C8orf76: variants seen among roughly 807,000 people sequenced by gnomAD.
C8orf76 encodes chromosome 8 open reading frame 76, also known as uncharacterized protein C8orf76.
C8orf76 carries 46 observed loss-of-function variants against 38.1 expected under a neutral mutation model. The ratio of observed to expected loss-of-function variants is 1.21; its 90% CI spans 0.95 to 1.54. The LOEUF (loss-of-function observed/expected upper bound fraction) is 1.54. Among genes scored for constraint, C8orf76 ranks in the 40% most tolerant of loss-of-function variants. The probability of loss-of-function intolerance (pLI) is 0.00; values close to 1 mark genes in which losing one functional copy is unlikely to be tolerated. For missense variants in C8orf76, 461 were observed against 441.6 expected (o/e 1.04, Z -0.39); for synonymous variants, 166 against 167.5 (o/e 0.99, Z 0.07).
chr8:123,224,658 A>T (rs777588073), intron 5 of C8orf76, among the ~76,000 whole-genome samples: 4 of 152,224 alleles, frequency 2.6e-5, no homozygotes, highest in African/African-American at 4.8e-5. Context: ...TCCTAATTAC[A>T]ATCCTAACGA....
intron 4 of C8orf76, among the ~76,000 whole-genome samples, chr8:123,227,532 G>A (rs936829579): frequency 1.3e-5 from 2 of 152,090 alleles, no homozygotes; most frequent in Non-Finnish European, 2.9e-5. Context: ...CAGATGCGGC[G>A]GTATAGGCAG....
At chr8:123,226,748 A>T (rs1344314159) in intron 4 of C8orf76, 116 bp from the exon 5 acceptor site, 1 of 1,430,236 alleles carries the variant, frequency 7.0e-7, no homozygotes, top group East Asian at 2.5e-5. Context: ...AAGTCCCACC[A>T]GGTTAAAAAG....
chr8:123,226,622 G>T lies in C8orf76; in HGVS notation c.826C>A (p.Gln276Lys). ...ASFIRTRLLL[Q>K]FTQPQQTSFA... ...GATGTTTGCTGAGGTTGGGTAAACT[G>T]AAGCAGAAGCCTGAAAAACCGAAAA... Residue 276 changes from glutamine to lysine, a missense_variant, in exon 5 of 6, where the codon CAG becomes AAG. Physicochemically the swap from Gln to Lys is moderately conservative, Grantham distance 53. Transcript: ENST00000276704. 1 of 1,593,402 alleles carries T rather than the reference G, an allele frequency of 6.3e-7. No individual in the cohort carries two copies. The highest frequency in any genetic ancestry group is 1.1e-5 in the South Asian group (1 of 87,130).
chr8:123,224,504 T>C (rs769615275), intron 5 of C8orf76, among the ~76,000 whole-genome samples: 21 of 152,034 alleles, frequency 1.4e-4, no homozygotes, highest in Non-Finnish European at 2.1e-4. Context: ...CCTACGAACT[T>C]GGGAGGCTGA....
chr8:123,240,181 G>A (rs193256020), intron 1 of C8orf76, among the ~76,000 whole-genome samples: 19 of 143,268 alleles, frequency 1.3e-4, no homozygotes, highest in Non-Finnish European at 2.1e-4. Flanking sequence ...TTCAAGGCAA[G>A]TGGTTAAAGC....
At chr8:123,225,003 T>A (rs1824994926) in intron 5 of C8orf76, among the ~76,000 whole-genome samples, 1 of 151,922 alleles carries the variant, frequency 6.6e-6, no homozygotes, top group Non-Finnish European at 1.5e-5. Context: ...ATCAGAAGTG[T>A]TTTTTTGTGT....
chr8:123,235,542 T>C (rs984765672), intron 3 of C8orf76, among the ~76,000 whole-genome samples: 11 of 152,126 alleles, frequency 7.2e-5, no homozygotes, highest in Non-Finnish European at 2.9e-5. Context: ...GCTGAGATCA[T>C]GTGTGAAGCC....
intron 3 of C8orf76, among the ~76,000 whole-genome samples, chr8:123,235,631 C>G (rs948379930): frequency 1.3e-5 from 2 of 152,228 alleles, no homozygotes; most frequent in Non-Finnish European, 2.9e-5. Context: ...GCCTGATGCA[C>G]AGTTCTGAAA....
chr8:123,227,514 A>T (rs912305895), intron 4 of C8orf76, among the ~76,000 whole-genome samples: 8 of 152,166 alleles, frequency 5.3e-5, no homozygotes, highest in African/African-American at 1.9e-4. Flanking sequence ...TGGACACAGT[A>T]ACCTCTTCAG....
intron 5 of C8orf76, among the ~76,000 whole-genome samples, chr8:123,221,032 C>T (rs954576356): frequency 2.6e-5 from 4 of 152,176 alleles, no homozygotes; most frequent in African/African-American, 9.7e-5. Flanking sequence ...AATTTAAGTT[C>T]CACATAGATT....
At position 123,220,362 on chromosome 8, in the gene C8orf76, T is replaced by A. The variant is rs1038853936; in HGVS notation, c.949-65A>T. 7 of 1,250,186 alleles carry A rather than the reference T, an allele frequency of 5.6e-6. No homozygotes were observed. The African/African-American group carries it at 1.1e-4, about 19-fold the overall frequency. 77.4% of individuals were successfully genotyped at this position (1,250,186 alleles called of 1,614,324 possible). ...AGGCAGAGACATGGAATGCTAGTTA[T>A]CAACTGCGAAGGCTTTCATTCAAAG... is the stretch of plus-strand genomic sequence containing the variant. On this transcript the variant is annotated intron_variant, in intron 5 of 5. Transcript: ENST00000276704.
intron 3 of C8orf76, among the ~76,000 whole-genome samples, chr8:123,233,934 A>T (rs544885064): frequency 6.6e-6 from 1 of 151,904 alleles, no homozygotes; most frequent in East Asian, 2.0e-4. Flanking sequence ...AGGTTGAGGC[A>T]GGAGAATGGC....
chr8:123,220,368 G>T, intron 5 of C8orf76, 71 bp from the exon 6 acceptor site: 1 of 1,183,690 alleles, frequency 8.4e-7, no homozygotes, highest in Non-Finnish European at 1.2e-6. Flanking sequence ...GTTATCAACT[G>T]CGAAGGCTTT....
intron 5 of C8orf76, among the ~76,000 whole-genome samples, chr8:123,220,865 C>T (rs1047980166): frequency 1.3e-5 from 2 of 152,176 alleles, no homozygotes; most frequent in African/African-American, 4.8e-5. Context: ...TTTGAGAAGA[C>T]ATCACAAAGT....
At chr8:123,224,382 C>T (rs1228862777) in intron 5 of C8orf76, among the ~76,000 whole-genome samples, 3 of 151,994 alleles carry the variant, frequency 2.0e-5, no homozygotes, top group Admixed American at 1.3e-4. Context: ...GAGGCCAAGG[C>T]GGGACGATCA....
intron 3 of C8orf76, among the ~76,000 whole-genome samples, chr8:123,233,274 C>T (rs1176053021): frequency 6.6e-6 from 1 of 151,864 alleles, no homozygotes; most frequent in Non-Finnish European, 1.5e-5. Flanking sequence ...CCCCTTCGGC[C>T]TCTGAAAGTG....
Position 123,220,237 on chromosome 8 carries a change from C to A in C8orf76, c.1009G>T (p.Val337Phe). ...KDEVHPEVKC[V>F]GSVALTALVT... Reference sequence around the variant, plus strand: ...AAGGCAGTCAGGGCTACGGAGCCAACACACTTCACCTCTGGGTGAACTTCA... The same window carrying A: ...AAGGCAGTCAGGGCTACGGAGCCAAAACACTTCACCTCTGGGTGAACTTCA... Residue 337 changes from valine (V) to phenylalanine (F), a missense_variant, in exon 6 of 6, where the codon GTT becomes TTT. Physicochemically the swap from Val to Phe is conservative, Grantham distance 50. Coordinates refer to ENST00000276704, the MANE Select transcript of C8orf76 (RefSeq NM_032847.3). 1 of 1,613,306 alleles carries A rather than the reference C, an allele frequency of 6.2e-7. No individual in the cohort carries two copies. Among genetic ancestry groups the A allele is most frequent in the Non-Finnish European group, 8.5e-7 (1 of 1,179,638 alleles).
chr8:123,240,963 T>A (rs769927122), intron 1 of C8orf76, among the ~76,000 whole-genome samples: 6 of 152,222 alleles, frequency 3.9e-5, no homozygotes, highest in Admixed American at 2.0e-4. Context: ...GCAGGGGCGT[T>A]GAGACCAGCC....
At chr8:123,226,284 A>G in intron 5 of C8orf76, 2 of 1,386,382 alleles carry the variant, frequency 1.4e-6, no homozygotes, top group Non-Finnish European at 1.9e-6. Flanking sequence ...AGCACTGACA[A>G]GTACATGAAA....
Sources: gnomAD v4.1 joint callset for allele counts (sites outside exome capture counted in the v4.1 genomes callset) on GRCh38, gnomAD v4.1.1 for gene constraint, MANE v1.5 for transcripts, NCBI Gene and HGNC (gene_info 2026-07-23, HGNC 2026-07-21) for gene names.